The following SPECC1L variants were observed in gnomAD, a reference collection of about 807,000 sequenced individuals.
SPECC1L encodes sperm antigen with calponin homology and coiled-coil domains 1 like.
SPECC1L carries 40 observed loss-of-function variants against 116.8 expected under a neutral mutation model. The ratio of observed to expected loss-of-function variants is 0.34; its 90% confidence interval spans 0.27 to 0.45. The LOEUF is 0.45. Ranked by LOEUF, SPECC1L falls within the 20% of genes least tolerant of loss-of-function variation. The pLI, the probability that SPECC1L is intolerant of heterozygous loss-of-function variation, is 1.00. For missense variants in SPECC1L, 1,110 were observed against 1,373.6 expected (o/e 0.81, Z 3.03); for synonymous variants, 504 against 500.6 (o/e 1.01, Z -0.09).
intron 2 of SPECC1L, among the ~76,000 whole-genome samples, chr22:24,297,132 T>C (rs1219618561): frequency 1.7e-4 from 25 of 149,860 alleles, no homozygotes; most frequent in African/African-American, 4.5e-4. Context: ...GGCGGAGTTT[T>C]ACCATGTTGA....
At chr22:24,359,947 C>A (rs1462900305) in intron 11 of SPECC1L, among the ~76,000 whole-genome samples, 1 of 152,130 alleles carries the variant, frequency 6.6e-6, no homozygotes. Flanking sequence ...CTCGTAATGA[C>A]TTTTTGAATG....
intron 4 of SPECC1L, among the ~76,000 whole-genome samples, chr22:24,318,273 C>T (rs2040643659): frequency 6.6e-6 from 1 of 152,254 alleles, no homozygotes; most frequent in Non-Finnish European, 1.5e-5. Context: ...AATCCCGGCA[C>T]CTCGGGAGGC....
rs559213101 is a variant in SPECC1L, at chr22:24,312,024, G to A, written c.154-1289G>A. 2.0e-5 allele frequency among the ~76,000 whole-genome samples: 3 copies of A among 152,076 alleles called. 1 individual carries two copies. Among genetic ancestry groups the A allele is most frequent in the African/African-American group, 4.8e-5 (2 of 41,480 alleles). On this transcript the variant is annotated intron_variant, in intron 3 of 16. Coordinates refer to ENST00000314328, the MANE Select transcript of SPECC1L (RefSeq NM_015330.6). ...CACTCTGTTGCCTAGGCTGGAGTACGGTGGCGTGATCACAGCTCAGTGCAG... is the reference window on the plus strand; with the variant it reads ...CACTCTGTTGCCTAGGCTGGAGTACAGTGGCGTGATCACAGCTCAGTGCAG...
intron 14 of SPECC1L, among the ~76,000 whole-genome samples, chr22:24,381,716 C>T (rs1259971173): frequency 6.6e-6 from 1 of 152,064 alleles, no homozygotes; most frequent in Non-Finnish European, 1.5e-5. Flanking sequence ...AACGCCAGCT[C>T]TACTAAAAAT....
intron 10 of SPECC1L, among the ~76,000 whole-genome samples, chr22:24,340,140 C>CTTT (rs765402107): frequency 0.012 from 1,256 of 105,132 alleles, 168 homozygotes; most frequent in African/African-American, 0.043. Context: ...ATTTAATGAC[C>CTTT]TTTTTTTTTT....
rs1009778712 is a variant in SPECC1L at position 24,321,445 on chromosome 22, C to A, written c.465C>A (p.Arg155=). Residue 155 remains arginine (R), a synonymous_variant, in exon 5 of 17, where the codon CGC becomes CGA. Coordinates refer to ENST00000314328, the MANE Select transcript of SPECC1L (RefSeq NM_015330.6). The part of the protein sequence containing the change: ...ANDMALAKRS[R]SRTATECDVR... ...ACATGGCATTGGCCAAACGTTCCCGCAGTCGAACTGCTACAGAATGTGACG... is the reference window on the plus strand; with the variant it reads ...ACATGGCATTGGCCAAACGTTCCCGAAGTCGAACTGCTACAGAATGTGACG... 6.2e-7 allele frequency: 1 copy of A among 1,614,260 alleles called. No homozygotes were observed. The highest frequency in any genetic ancestry group is 8.5e-7 in the Non-Finnish European group (1 of 1,180,044).
At chr22:24,271,028 G>T (rs1399874563) in intron 1 of SPECC1L, 45 bp downstream of exon 1, 10 of 152,386 alleles carry the variant, frequency 6.6e-5, no homozygotes, top group African/African-American at 2.2e-4. Context: ...TGGCGGGTTG[G>T]TTTATCGCCT....
chr22:24,374,723 A>G (rs2041938889), intron 14 of SPECC1L, among the ~76,000 whole-genome samples: 1 of 151,964 alleles, frequency 6.6e-6, no homozygotes, highest in Non-Finnish European at 1.5e-5. Flanking sequence ...ATGTATACAT[A>G]TGTAACTAAC....
intron 9 of SPECC1L, among the ~76,000 whole-genome samples, chr22:24,338,169 G>A (rs1439088605): frequency 1.3e-5 from 2 of 152,176 alleles, no homozygotes; most frequent in Non-Finnish European, 2.9e-5. Flanking sequence ...AAATAAGCAT[G>A]ACTACTCTAC....
At chr22:24,370,750 G>A (rs956960010) in intron 14 of SPECC1L, among the ~76,000 whole-genome samples, 1 of 152,170 alleles carries the variant, frequency 6.6e-6, no homozygotes, top group South Asian at 2.1e-4. Flanking sequence ...CCTTAAAAAG[G>A]AAGGAAATTC....
At chr22:24,279,429 A>G (rs936581607) in intron 2 of SPECC1L, among the ~76,000 whole-genome samples, 2 of 152,098 alleles carry the variant, frequency 1.3e-5, no homozygotes, top group African/African-American at 2.4e-5. Flanking sequence ...AGGTTTCACT[A>G]TTTTGCACAG....
rs201964280 is a variant in SPECC1L at position 24,321,668 on chromosome 22, A to G, written c.688A>G (p.Thr230Ala). 6.2e-7 allele frequency: 1 copy of G among 1,614,222 alleles called. No individual in the cohort carries two copies. The highest frequency in any genetic ancestry group is 8.5e-7 in the Non-Finnish European group (1 of 1,180,022). Residue 230 changes from threonine to alanine, a missense_variant, in exon 5 of 17, where the codon ACT becomes GCT. Around this residue, in one of 4 missense-constraint regions of SPECC1L, gnomAD observed 437 missense variants for 482.6 expected, o/e 0.91. Transcript: ENST00000314328. ...SEGDEKSEKETIMAHQPTDVE... is the reference protein window; with the variant it reads ...SEGDEKSEKEAIMAHQPTDVE... The stretch of plus-strand genomic sequence containing the variant: ...GGGTGATGAAAAATCTGAGAAGGAA[A>G]CTATTATGGCTCACCAGCCGACTGA...
chr22:24,308,964 C>T (rs530449838), intron 3 of SPECC1L, among the ~76,000 whole-genome samples: 1 of 152,208 alleles, frequency 6.6e-6, no homozygotes, highest in Non-Finnish European at 1.5e-5. Context: ...GTCCTTTTGA[C>T]ATGTTCCTAT....
At position 24,321,414 on chromosome 22, in the gene SPECC1L, C is replaced by G. The variant is rs1442631107; in HGVS notation, c.434C>G (p.Ala145Gly). ...SKKLPSAGQGANDMALAKRSR... is the reference protein window; with the variant it reads ...SKKLPSAGQGGNDMALAKRSR... ...AAACTACCTTCTGCAGGTCAGGGAG[C>G]TAATGACATGGCATTGGCCAAACGT... Residue 145 changes from alanine to glycine, a missense_variant, in exon 5 of 17, where the codon GCT becomes GGT. Physicochemically the swap from Ala to Gly is moderately conservative, Grantham distance 60. Coordinates refer to ENST00000314328, the MANE Select transcript of SPECC1L (RefSeq NM_015330.6). 1.2e-6 allele frequency: 2 copies of G among 1,614,256 alleles called. No homozygotes were observed. Among genetic ancestry groups the G allele is most frequent in the South Asian group, 2.2e-5 (2 of 91,086 alleles).
At chr22:24,298,277 A>G (rs2049306859) in intron 2 of SPECC1L, among the ~76,000 whole-genome samples, 2 of 152,198 alleles carry the variant, frequency 1.3e-5, no homozygotes, top group Non-Finnish European at 2.9e-5. Flanking sequence ...TATTAAATGC[A>G]TTTTTGATTC....
At chr22:24,360,354 C>T (rs2041618822) in intron 11 of SPECC1L, among the ~76,000 whole-genome samples, 1 of 152,192 alleles carries the variant, frequency 6.6e-6, no homozygotes, top group Non-Finnish European at 1.5e-5. Context: ...TGGATTGTGG[C>T]TGTTAAAATT....
intron 8 of SPECC1L, 119 bp downstream of exon 8, chr22:24,330,550 A>G (rs879292516): frequency 7.2e-6 from 8 of 1,111,350 alleles, no homozygotes; most frequent in Admixed American, 1.9e-5. Flanking sequence ...TTTGGATCTG[A>G]TGGAAGTTAC....
intron 10 of SPECC1L, among the ~76,000 whole-genome samples, chr22:24,346,283 G>T (rs995758649): frequency 6.6e-6 from 1 of 152,154 alleles, no homozygotes; most frequent in African/African-American, 2.4e-5. Context: ...TGGGATTAAG[G>T]CATGAGCCAC....
At chr22:24,340,286 T>C (rs1471972633) in intron 10 of SPECC1L, among the ~76,000 whole-genome samples, 1 of 151,736 alleles carries the variant, frequency 6.6e-6, no homozygotes, top group Non-Finnish European at 1.5e-5. Context: ...TAGCCAGGAT[T>C]ACAGGTGTGC....
Sources: gnomAD v4.1 joint callset for allele counts (sites outside exome capture counted in the v4.1 genomes callset) on GRCh38, gnomAD v4.1.1 for gene constraint, gnomAD v4.1.1 regional missense constraint, MANE v1.5 for transcripts, NCBI Gene and HGNC (gene_info 2026-07-23, HGNC 2026-07-21) for gene names.